RAPGEF1: variants seen among roughly 807,000 people sequenced by gnomAD.
The protein encoded by RAPGEF1 is Rap guanine nucleotide exchange factor 1.
A neutral mutation model predicts 143.3 loss-of-function variants in RAPGEF1; 33 were observed. That is an observed-to-expected ratio of 0.23 (90% CI 0.17 to 0.31). RAPGEF1 has a LOEUF of 0.31. Ranked by LOEUF, RAPGEF1 falls within the 10% of genes least tolerant of loss-of-function variation. RAPGEF1 has a pLI of 1.00. For missense variants in RAPGEF1, 1,199 were observed against 1,645.4 expected, an observed-to-expected ratio of 0.73 and a Z score of 4.69; for synonymous variants, 629 against 676.5, an observed-to-expected ratio of 0.93 and a Z score of 1.09.
At chr9:131,596,655 T>C (rs886127953) in intron 16 of RAPGEF1, among the ~76,000 whole-genome samples, 1 of 152,110 alleles carries the variant, frequency 6.6e-6, no homozygotes, top group Non-Finnish European at 1.5e-5. Flanking sequence ...TGCCACTGTT[T>C]TGAGCACACA....
chr9:131,681,495 GT>G (rs1027946100), intron 1 of RAPGEF1, among the ~76,000 whole-genome samples: 3 of 152,178 alleles, frequency 2.0e-5, no homozygotes, highest in African/African-American at 7.2e-5. Context: ...TATGGACCAG[GT>G]TCTCCTTTTG....
intron 1 of RAPGEF1, among the ~76,000 whole-genome samples, chr9:131,716,146 C>T (rs1370730905): frequency 6.6e-6 from 1 of 152,182 alleles, no homozygotes; most frequent in Non-Finnish European, 1.5e-5. Flanking sequence ...GGACAATCTA[C>T]GGAAATGAAC....
intron 1 of RAPGEF1, among the ~76,000 whole-genome samples, chr9:131,661,692 G>A (rs958072082): frequency 6.6e-6 from 1 of 152,160 alleles, no homozygotes; most frequent in Admixed American, 6.6e-5. Context: ...CAACTGCAAA[G>A]TTCATTTACA....
intron 12 of RAPGEF1, among the ~76,000 whole-genome samples, chr9:131,611,590 A>C (rs1410563): frequency 2.6e-5 from 4 of 152,150 alleles, no homozygotes; most frequent in Admixed American, 6.5e-5. Flanking sequence ...GATCTGAATA[A>C]CATCAACCCT....
intron 15 of RAPGEF1, among the ~76,000 whole-genome samples, chr9:131,599,491 C>T (rs1955903966): frequency 6.6e-6 from 1 of 150,940 alleles, no homozygotes; most frequent in South Asian, 2.1e-4. Flanking sequence ...AGGGGAAGCC[C>T]AGAAGGGTAC....
At chr9:131,595,043 G>T (rs1222004697) in intron 17 of RAPGEF1, among the ~76,000 whole-genome samples, 1 of 152,244 alleles carries the variant, frequency 6.6e-6, no homozygotes, top group African/African-American at 2.4e-5. Flanking sequence ...TGCTGATCAC[G>T]CCCCCAGCAC....
At position 131,579,515 on chromosome 9, in the gene RAPGEF1, G is replaced by T. The variant is rs770943992; in HGVS notation, c.3774C>A (p.Asp1258Glu). The T allele has an allele frequency of 6.2e-7, 1 of 1,613,990 alleles. No individual in the cohort carries two copies. Among genetic ancestry groups the T allele is most frequent in the South Asian group, 1.1e-5 (1 of 91,090 alleles). The stretch of plus-strand genomic sequence containing the variant: ...TCTGCTCCTAGGTCTTCTCTTCCCG[G>T]TCTGTTTTTCTCCTTGTTATGTTCC... ...KPRNITRRKT[D>E]REEKT Residue 1258 changes from aspartate (D) to glutamate (E), a missense_variant, in exon 27 of 27, where the codon GAC becomes GAA. Physicochemically the swap from Asp to Glu is conservative, Grantham distance 45. Coordinates refer to ENST00000683357, the MANE Select transcript of RAPGEF1 (RefSeq NM_001377935.1).
chr9:131,690,580 A>G (rs529486978), intron 1 of RAPGEF1, among the ~76,000 whole-genome samples: 1 of 152,120 alleles, frequency 6.6e-6, no homozygotes, highest in African/African-American at 2.4e-5. Context: ...GGCAGATCGC[A>G]TATAGCCTAG....
At chr9:131,595,440 G>A (rs551709662) in intron 17 of RAPGEF1, among the ~76,000 whole-genome samples, 1 of 152,396 alleles carries the variant, frequency 6.6e-6, no homozygotes, top group South Asian at 2.1e-4. Context: ...CACAGGGACA[G>A]AGTCCCTTAC....
At position 131,675,500 on chromosome 9, in the gene RAPGEF1, A is replaced by G. The variant is rs1832184213; in HGVS notation, c.62-24551T>C. Among the ~76,000 whole-genome samples the G allele has an allele frequency of 6.6e-6, 1 of 152,246 alleles. No homozygotes were observed. The highest frequency in any genetic ancestry group is 2.4e-5 in the African/African-American group (1 of 41,472). Reference sequence around the variant, plus strand: ...GGTCCCCAACAGGCTGAGAAGCCAAACACCCACAAGCCACCTTCCACTAAG... The same window carrying G: ...GGTCCCCAACAGGCTGAGAAGCCAAGCACCCACAAGCCACCTTCCACTAAG... On this transcript the variant is annotated intron_variant, in intron 1 of 26. Transcript: ENST00000683357. The surrounding 1 kb of genome is among the most constrained non-coding windows in gnomAD (Gnocchi z 4.6).
At chr9:131,703,338 T>G (rs901283260) in intron 1 of RAPGEF1, among the ~76,000 whole-genome samples, 1 of 152,204 alleles carries the variant, frequency 6.6e-6, no homozygotes, top group Non-Finnish European at 1.5e-5. Flanking sequence ...ACATGCATTT[T>G]CTTGTTTGCA....
intron 1 of RAPGEF1, among the ~76,000 whole-genome samples, chr9:131,654,116 A>G (rs1343080426): frequency 1.3e-5 from 2 of 152,152 alleles, no homozygotes; most frequent in East Asian, 3.9e-4. Flanking sequence ...GTTGCCTAAG[A>G]CTGGACGGGG....
chr9:131,677,646 C>G (rs563513644), intron 1 of RAPGEF1, among the ~76,000 whole-genome samples: 1 of 152,178 alleles, frequency 6.6e-6, no homozygotes, highest in African/African-American at 2.4e-5. Flanking sequence ...AGAGGAAAGA[C>G]GCAACCAAAC....
At chr9:131,606,359 A>T (rs1957109915) in intron 12 of RAPGEF1, among the ~76,000 whole-genome samples, 1 of 152,160 alleles carries the variant, frequency 6.6e-6, no homozygotes, top group African/African-American at 2.4e-5. Flanking sequence ...CATCATGGGG[A>T]GCTGGGAGAG....
chr9:131,732,770 A>G (rs1249780377), intron 1 of RAPGEF1, among the ~76,000 whole-genome samples: 2 of 152,236 alleles, frequency 1.3e-5, no homozygotes, highest in Non-Finnish European at 2.9e-5. Flanking sequence ...TTCTATGATA[A>G]TATTAACTAA....
chr9:131,598,624 C>T (rs1044769764), intron 15 of RAPGEF1: 2 of 494,958 alleles, frequency 4.0e-6, no homozygotes, highest in African/African-American at 3.9e-5. Context: ...GCACAGTTAG[C>T]ATTTAGGGAG....
At position 131,702,029 on chromosome 9, in the gene RAPGEF1, A is replaced by G. The variant is rs1834690168; in HGVS notation, c.61+37741T>C. 4.6e-5 allele frequency among the ~76,000 whole-genome samples: 7 copies of G among 152,328 alleles called. No homozygotes were observed. The South Asian group carries it at 1.4e-3, about 32-fold the overall frequency. Reference sequence around the variant, plus strand: ...ATTCACTCCAACGCCCTGACGTTCTACACTAGTTGATTCAAACTACCCTCC... The same window carrying G: ...ATTCACTCCAACGCCCTGACGTTCTGCACTAGTTGATTCAAACTACCCTCC... On this transcript the variant is annotated intron_variant, in intron 1 of 26. Transcript: ENST00000683357.
At chr9:131,648,009 C>T (rs1970108348) in intron 3 of RAPGEF1, among the ~76,000 whole-genome samples, 1 of 152,088 alleles carries the variant, frequency 6.6e-6, no homozygotes, top group South Asian at 2.1e-4. Context: ...TGCCAAATGG[C>T]CCCTGGGGTT....
chr9:131,657,416 C>T (rs1359776113), intron 1 of RAPGEF1, among the ~76,000 whole-genome samples: 1 of 152,218 alleles, frequency 6.6e-6, no homozygotes, highest in Non-Finnish European at 1.5e-5. Context: ...GGAAGTTACA[C>T]TGTAGAATTT....
Sources: gnomAD v4.1 joint callset for allele counts (sites outside exome capture counted in the v4.1 genomes callset) on GRCh38, gnomAD v4.1.1 for gene constraint, Gnocchi (gnomAD v3.1) non-coding constraint, MANE v1.5 for transcripts, NCBI Gene and HGNC (gene_info 2026-07-23, HGNC 2026-07-21) for gene names.